The following RAB11FIP3 variants were observed in gnomAD, a reference collection of about 807,000 sequenced individuals.
RAB11FIP3 encodes rab11 family-interacting protein 3.
RAB11FIP3 carries 17 observed loss-of-function variants against 77.8 expected under a neutral mutation model. That is an observed-to-expected ratio of 0.22 (90% CI 0.15 to 0.33). The LOEUF (loss-of-function observed/expected upper bound fraction) is 0.33, where lower values mean the gene tolerates loss of function less well. RAB11FIP3 is among the 10% of genes least tolerant of loss of function. The pLI is 1.00. For synonymous variants in RAB11FIP3, 437 were observed against 448.2 expected (o/e 0.98, Z 0.31); for missense variants, 1,005 against 1,011.2 (o/e 0.99, Z 0.08).
chr16:470,410 G>C (rs2055787866), intron 2 of RAB11FIP3, among the ~76,000 whole-genome samples: 1 of 152,224 alleles, frequency 6.6e-6, no homozygotes, highest in Non-Finnish European at 1.5e-5. Flanking sequence ...TGGGATTACA[G>C]GCATAGGCCA....
intron 3 of RAB11FIP3, among the ~76,000 whole-genome samples, chr16:480,087 G>A (rs1472245153): frequency 6.6e-6 from 1 of 152,054 alleles, no homozygotes; most frequent in Non-Finnish European, 1.5e-5. Flanking sequence ...AGGAGTTCGA[G>A]ACTGGCCTGG....
chr16:441,873 C>G (rs1050914917), intron 1 of RAB11FIP3, among the ~76,000 whole-genome samples: 1 of 152,232 alleles, frequency 6.6e-6, no homozygotes. Context: ...GAGTCTCGCT[C>G]TCTCGTCCAG....
At chr16:500,023 GGT>G (rs2031405007) in intron 6 of RAB11FIP3, among the ~76,000 whole-genome samples, 1 of 152,238 alleles carries the variant, frequency 6.6e-6, no homozygotes, top group African/African-American at 2.4e-5. Context: ...TTGCTGAGAT[GGT>G]GGGTTTTGCC....
chr16:503,984 G>A (rs867873767), intron 7 of RAB11FIP3, among the ~76,000 whole-genome samples: 6 of 58,016 alleles, frequency 1.0e-4, no homozygotes, highest in South Asian at 6.0e-4. Context: ...ACCACCTCCT[G>A]TACCCCCTCA....
At chr16:485,296 CTT>C (rs1334603629) in intron 4 of RAB11FIP3, among the ~76,000 whole-genome samples, 1 of 152,160 alleles carries the variant, frequency 6.6e-6, no homozygotes, top group Non-Finnish European at 1.5e-5. Flanking sequence ...GGTCCTCTGT[CTT>C]TTTCTCACTG....
chr16:437,457 C>G (rs1274777524), intron 1 of RAB11FIP3, among the ~76,000 whole-genome samples: 1 of 150,306 alleles, frequency 6.7e-6, no homozygotes, highest in African/African-American at 2.5e-5. Context: ...GTAGTCCCAG[C>G]TACTCAGGAG....
In RAB11FIP3 at chr16:497,183, G is replaced by C; in HGVS notation, c.1301+324G>C. ...GTTAGCTCTGAGGTAGCGAGACCCAGTGAGGAGCCTGGCTTCTCAGAGCCG... is the reference window on the plus strand; with the variant it reads ...GTTAGCTCTGAGGTAGCGAGACCCACTGAGGAGCCTGGCTTCTCAGAGCCG... On this transcript the variant is annotated intron_variant, in intron 6 of 13. Transcript: ENST00000262305. The C allele has an allele frequency of 3.0e-6, 3 of 1,010,260 alleles. 1 individual carries two copies. The highest frequency in any genetic ancestry group is 2.4e-4 in the Middle Eastern group (1 of 4,108). 62.6% of individuals were successfully genotyped at this position (1,010,260 alleles called of 1,614,324 possible). A position where few individuals can be genotyped will look rare whatever the true frequency, so the allele number is the denominator to read the frequency against.
intron 1 of RAB11FIP3, among the ~76,000 whole-genome samples, chr16:447,959 T>A (rs759433898): frequency 6.6e-6 from 1 of 150,952 alleles, no homozygotes; most frequent in African/African-American, 2.4e-5. Flanking sequence ...GCTGACAATT[T>A]AAAATAGTGG....
intron 4 of RAB11FIP3, among the ~76,000 whole-genome samples, chr16:488,512 G>A (rs929153280): frequency 2.6e-5 from 4 of 152,014 alleles, no homozygotes; most frequent in African/African-American, 7.2e-5. Context: ...AGGCTCAAGC[G>A]ATCTTCCCAC....
At chr16:469,427 CT>C (rs1193233154) in intron 2 of RAB11FIP3, among the ~76,000 whole-genome samples, 4 of 150,704 alleles carry the variant, frequency 2.7e-5, no homozygotes, top group Non-Finnish European at 5.9e-5. Context: ...CAGGGACTCA[CT>C]TTGTCACCCA....
intron 9 of RAB11FIP3, among the ~76,000 whole-genome samples, chr16:515,438 G>A (rs2032355950): frequency 6.6e-6 from 1 of 152,150 alleles, no homozygotes; most frequent in Non-Finnish European, 1.5e-5. Context: ...AACACCCTGC[G>A]CCAGCAGCTA....
chr16:492,603 G>A (rs2030668445), intron 5 of RAB11FIP3, among the ~76,000 whole-genome samples: 1 of 150,354 alleles, frequency 6.7e-6, no homozygotes, highest in Non-Finnish European at 1.5e-5. Context: ...CTGCCTGCGT[G>A]TGTGTTCAGC....
intron 1 of RAB11FIP3, among the ~76,000 whole-genome samples, chr16:429,935 C>A (rs1451654185): frequency 1.3e-5 from 2 of 152,156 alleles, no homozygotes; most frequent in African/African-American, 4.8e-5. Flanking sequence ...GTTTATAATA[C>A]AGATGGCTTT....
intron 5 of RAB11FIP3, among the ~76,000 whole-genome samples, chr16:494,302 A>C (rs1596275621): frequency 6.6e-6 from 1 of 151,244 alleles, no homozygotes; most frequent in Non-Finnish European, 1.5e-5. Context: ...AGTTCTAGGG[A>C]GTCTCAACAA....
At chr16:493,220 C>T (rs556719264) in intron 5 of RAB11FIP3, among the ~76,000 whole-genome samples, 15 of 146,722 alleles carry the variant, frequency 1.0e-4, no homozygotes, top group Non-Finnish European at 2.1e-4. Context: ...CACTGCACTC[C>T]AGCCTGGGCA....
intron 3 of RAB11FIP3, chr16:477,547 C>G: frequency 2.3e-6 from 2 of 852,198 alleles, no homozygotes; most frequent in Non-Finnish European, 2.8e-6. Context: ...CTTTCCTGGC[C>G]ACTCCCGCCT....
At chr16:513,433 G>T (rs2032272540) in intron 9 of RAB11FIP3, among the ~76,000 whole-genome samples, 1 of 152,120 alleles carries the variant, frequency 6.6e-6, no homozygotes, top group South Asian at 2.1e-4. Context: ...TGCCCAGGCT[G>T]GTCTTGAGCT....
intron 2 of RAB11FIP3, among the ~76,000 whole-genome samples, chr16:463,722 G>A (rs1450525800): frequency 6.6e-6 from 1 of 152,176 alleles, no homozygotes; most frequent in African/African-American, 2.4e-5. Flanking sequence ...ACAGACATGA[G>A]CCACTGCGCC....
intron 1 of RAB11FIP3, among the ~76,000 whole-genome samples, chr16:455,483 A>G (rs1415036536): frequency 1.3e-5 from 2 of 152,108 alleles, no homozygotes; most frequent in Non-Finnish European, 2.9e-5. Context: ...AAAAAAAAAA[A>G]AAAAAGAATT....
Sources: gnomAD v4.1 joint callset for allele counts (sites outside exome capture counted in the v4.1 genomes callset) on GRCh38, gnomAD v4.1.1 for gene constraint, MANE v1.5 for transcripts, NCBI Gene and HGNC (gene_info 2026-07-23, HGNC 2026-07-21) for gene names.